The following RPS6KA1 variants were observed in gnomAD, a reference collection of about 807,000 sequenced individuals.
The protein encoded by RPS6KA1 is ribosomal protein S6 kinase alpha-1.
Under a neutral mutation model 91.3 loss-of-function variants are expected in RPS6KA1, and 48 were observed. That is an observed-to-expected ratio of 0.53 (90% CI 0.42 to 0.67). The LOEUF (loss-of-function observed/expected upper bound fraction) is 0.67, where lower values mean the gene tolerates loss of function less well. Ranked by LOEUF, RPS6KA1 falls within the 30% of genes least tolerant of loss-of-function variation. The pLI is 0.00. For synonymous variants in RPS6KA1, 359 were observed against 384.7 expected (o/e 0.93, Z 0.78); for missense variants, 719 against 960.5 (o/e 0.75, Z 3.32).
rs750087404 is a variant in RPS6KA1, at chr1:26,547,146, A to C, written c.226-43A>C. On this transcript the variant is annotated intron_variant, in intron 3 of 21. Coordinates refer to ENST00000374168, the MANE Select transcript of RPS6KA1 (RefSeq NM_002953.4). This position sits in a 1 kb window ranked among gnomAD's most constrained non-coding sequence, Gnocchi z 4.1. The stretch of plus-strand genomic sequence containing the variant: ...AAGATAGAGGTCAGCCTGGACTCAG[A>C]CCTCTCCCATCTTCTGCCCTGCTTC... The C allele has an allele frequency of 1.9e-6, 3 of 1,601,914 alleles. No homozygotes were observed. Among genetic ancestry groups the C allele is most frequent in the Non-Finnish European group, 2.6e-6 (3 of 1,169,438 alleles).
chr1:26,554,841 T>C lies in RPS6KA1; in HGVS notation c.756+103T>C. ...GATCATTTCTAGGGCTCTCCCCGTC[T>C]CCTCTCACAGCCAAGCTGGCCTCAC... On this transcript the variant is annotated intron_variant, in intron 9 of 21. Transcript: ENST00000374168. This position sits in a 1 kb window ranked among gnomAD's most constrained non-coding sequence, Gnocchi z 4.6. The C allele has an allele frequency of 7.0e-7, 1 of 1,433,310 alleles. No individual in the cohort carries two copies. The highest frequency in any genetic ancestry group is 2.3e-5 in the East Asian group (1 of 43,314). 88.8% of individuals were successfully genotyped at this position (1,433,310 alleles called of 1,614,324 possible).
At chr1:26,541,769 AG>A (rs957989924) in intron 2 of RPS6KA1, among the ~76,000 whole-genome samples, 12 of 152,142 alleles carry the variant, frequency 7.9e-5, no homozygotes, top group Non-Finnish European at 1.8e-4. Context: ...AGCGCCTGGA[AG>A]GGCCCTGCAA....
intron 21 of RPS6KA1, among the ~76,000 whole-genome samples, chr1:26,573,802 G>GT (rs2076271362): frequency 6.6e-6 from 1 of 152,118 alleles, no homozygotes; most frequent in African/African-American, 2.4e-5. Flanking sequence ...GCCAGGTGTG[G>GT]TGGCAAGCGC....
chr1:26,572,830 A>C (rs1048469438), intron 20 of RPS6KA1, among the ~76,000 whole-genome samples: 3 of 152,038 alleles, frequency 2.0e-5, no homozygotes, highest in Admixed American at 6.6e-5. Context: ...TGAGGCAGGG[A>C]GTGGTTATTC....
intron 20 of RPS6KA1, 94 bp downstream of exon 20, chr1:26,572,387 C>A: frequency 1.2e-6 from 1 of 807,270 alleles, no homozygotes; most frequent in Non-Finnish European, 2.1e-6. Flanking sequence ...CCTCATTTCT[C>A]CAAGCGGATG....
At chr1:26,552,797 G>C in intron 6 of RPS6KA1, 1 of 359,436 alleles carries the variant, frequency 2.8e-6, no homozygotes. Flanking sequence ...GGCTTAAATT[G>C]TGATTTTAAT....
At chr1:26,532,686 C>T (rs1020974800) in intron 1 of RPS6KA1, among the ~76,000 whole-genome samples, 4 of 152,266 alleles carry the variant, frequency 2.6e-5, no homozygotes, top group African/African-American at 7.2e-5. Flanking sequence ...CTGTGGGGCA[C>T]GTGCTGTCCT....
At chr1:26,570,493 C>A (rs1023243251) in intron 17 of RPS6KA1, among the ~76,000 whole-genome samples, 2 of 151,734 alleles carry the variant, frequency 1.3e-5, no homozygotes, top group Non-Finnish European at 2.9e-5. Flanking sequence ...CAAAACAAAA[C>A]AAAACAAAAA....
chr1:26,543,309 T>C, intron 2 of RPS6KA1: 1 of 1,024,090 alleles, frequency 9.8e-7, no homozygotes, highest in Non-Finnish European at 1.5e-6. Context: ...TCCCTTGGGA[T>C]TTCTGGGTGG....
intron 17 of RPS6KA1, among the ~76,000 whole-genome samples, chr1:26,563,563 A>G (rs1008999004): frequency 2.0e-5 from 3 of 152,162 alleles, no homozygotes; most frequent in African/African-American, 7.2e-5. Flanking sequence ...GAAAATTTGC[A>G]TACAGTAGAT....
intron 2 of RPS6KA1, among the ~76,000 whole-genome samples, chr1:26,544,428 T>TCAC (rs992213326): frequency 2.1e-4 from 32 of 152,200 alleles, no homozygotes; most frequent in Middle Eastern, 3.4e-3. Flanking sequence ...TGGGTTTGTG[T>TCAC]CACCATCTGT....
In RPS6KA1 at chr1:26,543,129, C is replaced by T. The variant is rs537928794; in HGVS notation, c.109-3738C>T. The T allele has an allele frequency of 2.9e-4, 438 of 1,535,150 alleles. 1 individual carries two copies. In the Middle Eastern group the frequency reaches 5.8e-3, roughly 20 times the overall value. On this transcript the variant is annotated intron_variant, in intron 2 of 21. Transcript: ENST00000374168. ...AAAAAAGCAGAAGTAGGAAGAGTAA[C>T]GGGGCCCTCTGGTCACCGGCTTGAG... is the stretch of plus-strand genomic sequence containing the variant.
intron 2 of RPS6KA1, among the ~76,000 whole-genome samples, chr1:26,542,720 A>G (rs1217369278): frequency 6.6e-6 from 1 of 152,132 alleles, no homozygotes; most frequent in East Asian, 1.9e-4. Context: ...GTGGGTGGGC[A>G]TAGCCATGGG....
intron 14 of RPS6KA1, among the ~76,000 whole-genome samples, chr1:26,560,270 C>T (rs1480703258): frequency 6.6e-6 from 1 of 152,206 alleles, no homozygotes; most frequent in Non-Finnish European, 1.5e-5. Context: ...CACCATTCAG[C>T]ATTGCTACGG....
At chr1:26,536,852 G>T (rs2075910533) in intron 1 of RPS6KA1, 73 bp from the exon 2 acceptor site, 2 of 1,552,346 alleles carry the variant, frequency 1.3e-6, no homozygotes, top group Admixed American at 1.7e-5. Flanking sequence ...AAGGGTGGGG[G>T]TGCCCCACAG....
intron 4 of RPS6KA1, among the ~76,000 whole-genome samples, chr1:26,550,538 C>T (rs1227328203): frequency 6.6e-6 from 1 of 152,100 alleles, no homozygotes; most frequent in Non-Finnish European, 1.5e-5. Flanking sequence ...AGGCTAGTCT[C>T]GAACTCCTGA....
chr1:26,544,943 T>G (rs1042937390), intron 2 of RPS6KA1, among the ~76,000 whole-genome samples: 1 of 152,152 alleles, frequency 6.6e-6, no homozygotes, highest in African/African-American at 2.4e-5. Context: ...GTTGGGCTTG[T>G]GTCCCTATCT....
At position 26,551,495 on chromosome 1, in the gene RPS6KA1, G is replaced by A. The variant is rs748832741; in HGVS notation, c.388+18G>A. ...GCACTATGGTAAAGCTTCTGGCCCT[G>A]CCTGAGCTCCTACCCCACCCATCCT... On this transcript the variant is annotated intron_variant, in intron 5 of 21. Transcript: ENST00000374168. This position sits in a 1 kb window ranked among gnomAD's most constrained non-coding sequence, Gnocchi z 4.5. 2 of 1,613,218 alleles carry A rather than the reference G, an allele frequency of 1.2e-6. No individual in the cohort carries two copies. The highest frequency in any genetic ancestry group is 2.2e-5 in the South Asian group (2 of 91,064).
At chr1:26,573,179 TCCCCTGCA>T in intron 20 of RPS6KA1, 37 bp from the exon 21 acceptor site, 1 of 1,600,518 alleles carries the variant, frequency 6.2e-7, no homozygotes, top group Non-Finnish European at 8.5e-7. Context: ...AGGGGCCTGC[TCCCCTGCA>T]GCCCTCCCCC....
Sources: gnomAD v4.1 joint callset for allele counts (sites outside exome capture counted in the v4.1 genomes callset) on GRCh38, gnomAD v4.1.1 for gene constraint, Gnocchi (gnomAD v3.1) non-coding constraint, MANE v1.5 for transcripts, NCBI Gene and HGNC (gene_info 2026-07-23, HGNC 2026-07-21) for gene names.